The following PROSER2 variants were observed in gnomAD, a reference collection of about 807,000 sequenced individuals.
PROSER2 encodes proline and serine rich 2, also known as proline and serine-rich protein 2.
A neutral mutation model predicts 14.6 loss-of-function variants in PROSER2; 18 were observed. That is an observed-to-expected ratio of 1.23 (90% CI 0.85 to 1.83). PROSER2 has a LOEUF of 1.83. PROSER2 is among the 40% of genes most tolerant of loss of function. PROSER2 has a pLI of 0.00. For missense variants in PROSER2, 823 were observed against 629.8 expected (o/e 1.31, Z -3.28); for synonymous variants, 367 against 286.4 (o/e 1.28, Z -2.84).
Position 11,865,795 on chromosome 10 carries a change from G to A in PROSER2, c.139-736G>A, listed in dbSNP as rs973259551. 7.9e-5 allele frequency among the ~76,000 whole-genome samples: 12 copies of A among 152,172 alleles called. No individual in the cohort carries two copies. Among genetic ancestry groups the A allele is most frequent in the African/African-American group, 1.7e-4 (7 of 41,446 alleles). On this transcript the variant is annotated intron_variant, in intron 2 of 3. Coordinates refer to ENST00000277570, the MANE Select transcript of PROSER2 (RefSeq NM_153256.4). This position sits in a 1 kb window ranked among gnomAD's most constrained non-coding sequence, Gnocchi z 4.2. ...GTCACCTTTTTCGAGAGTAACTGGC[G>A]AGTTTTGTGCCGGGATGAGCTCATT...
In PROSER2 at chr10:11,870,351, A is replaced by AGGAGGCGCGCAG; in HGVS notation, c.1260_1271dup (p.Arg421_Ala424dup). 1 of 1,508,586 alleles carries AGGAGGCGCGCAG rather than the reference A, an allele frequency of 6.6e-7. No individual in the cohort carries two copies. The highest frequency in any genetic ancestry group is 1.5e-5 in the African/African-American group (1 of 68,860). The allele number at this position is 1,508,586 out of a possible 1,614,324, so 93.5% of individuals were successfully genotyped here. ...CAGTTCGCGGGCCGCGGCTCCTCGG[A>AGGAGGCGCGCAG]GGAGGCGCGCAGGGAGGCCCTGCGG... On this transcript the variant is annotated inframe_insertion, in exon 4 of 4. Coordinates refer to ENST00000277570, the MANE Select transcript of PROSER2 (RefSeq NM_153256.4).
At chr10:11,861,064 C>G (rs1266891838) in intron 2 of PROSER2, among the ~76,000 whole-genome samples, 1 of 152,190 alleles carries the variant, frequency 6.6e-6, no homozygotes, top group Non-Finnish European at 1.5e-5. Flanking sequence ...TGAGATCGTG[C>G]CACTGCACTC....
At position 11,865,319 on chromosome 10, in the gene PROSER2, GAAA is replaced by G. The variant is rs1161995683; in HGVS notation, c.139-1206_139-1204del. Among the ~76,000 whole-genome samples the G allele has an allele frequency of 6.6e-6, 1 of 151,656 alleles. No homozygotes were observed. The highest frequency in any genetic ancestry group is 2.4e-5 in the African/African-American group (1 of 41,358). On this transcript the variant is annotated intron_variant, in intron 2 of 3. Transcript: ENST00000277570. This position sits in a 1 kb window ranked among gnomAD's most constrained non-coding sequence, Gnocchi z 4.2. Reference sequence around the variant, plus strand: ...TCTAAGTCTTCTTTTGTCCTGTAAAGAAAAAAAATCATGCTGTTTATGGATTCA... The same window carrying G: ...TCTAAGTCTTCTTTTGTCCTGTAAAGAAAAATCATGCTGTTTATGGATTCA...
rs768637707 is a variant in PROSER2 at position 11,869,862 on chromosome 10, G to T, written c.764G>T (p.Ser255Ile). 1.3e-6 allele frequency: 2 copies of T among 1,594,066 alleles called. No homozygotes were observed. The highest frequency in any genetic ancestry group is 3.5e-5 in the Admixed American group (2 of 57,418). The change falls in exon 4 of 4, where the codon AGC becomes ATC. Residue 255 changes from serine (S) to isoleucine (I), a missense_variant. Ser to Ile is a moderately radical substitution (Grantham distance 142). Transcript: ENST00000277570. This position sits in a 1 kb window ranked among gnomAD's most constrained non-coding sequence, Gnocchi z 4.4. ...PAQPKAPRFP[S>I]NIIVTNGAAR... ...CAGCCCAAGGCACCCCGCTTCCCCA[G>T]CAACATCATCGTCACCAACGGCGCG...
intron 1 of PROSER2, among the ~76,000 whole-genome samples, chr10:11,841,366 A>G (rs1307478702): frequency 6.6e-6 from 1 of 152,078 alleles, no homozygotes; most frequent in Non-Finnish European, 1.5e-5. Context: ...TGTCAATTTT[A>G]TTAATATTTT....
In PROSER2 at chr10:11,866,415, GAC is replaced by G; in HGVS notation, c.139-112_139-111del. ...GCACTGTGTGGCAGGGTACTCTCGG[GAC>G]ACAGTGAGTTCCGCCCTGGGCTGTG... On this transcript the variant is annotated intron_variant, in intron 2 of 3. Coordinates refer to ENST00000277570, the MANE Select transcript of PROSER2 (RefSeq NM_153256.4). The surrounding 1 kb of genome is among the most constrained non-coding windows in gnomAD (Gnocchi z 6.0). The G allele has an allele frequency of 8.0e-7, 1 of 1,257,668 alleles. No homozygotes were observed. Among genetic ancestry groups the G allele is most frequent in the Non-Finnish European group, 1.1e-6 (1 of 892,058 alleles). 77.9% of individuals were successfully genotyped at this position (1,257,668 alleles called of 1,614,324 possible).
intron 2 of PROSER2, among the ~76,000 whole-genome samples, chr10:11,858,873 T>C (rs1022049840): frequency 6.6e-6 from 1 of 151,356 alleles, no homozygotes. Context: ...GCTGGGCGTG[T>C]TGGCAGGTGC....
At chr10:11,835,927 C>G (rs1186457656) in intron 1 of PROSER2, among the ~76,000 whole-genome samples, 1 of 152,082 alleles carries the variant, frequency 6.6e-6, no homozygotes, top group African/African-American at 2.4e-5. Flanking sequence ...GAGTTCCCAC[C>G]GTGAAACGCT....
rs1834347658 is a variant in PROSER2 at position 11,866,325 on chromosome 10, CTGT to C, written c.139-201_139-199del. On this transcript the variant is annotated intron_variant, in intron 2 of 3. Coordinates refer to ENST00000277570, the MANE Select transcript of PROSER2 (RefSeq NM_153256.4). This position sits in a 1 kb window ranked among gnomAD's most constrained non-coding sequence, Gnocchi z 6.0. ...GGCCCGTTATAACAGCTTTGAGGCT[CTGT>C]TGTTTGCTCTGCCTTTCGGAACACG... is the stretch of plus-strand genomic sequence containing the variant. Among the ~76,000 whole-genome samples, 2 of 152,188 alleles carry C rather than the reference CTGT, an allele frequency of 1.3e-5. No homozygotes were observed. Among genetic ancestry groups the C allele is most frequent in the Admixed American group, 1.3e-4 (2 of 15,290 alleles).
chr10:11,844,624 A>G (rs1833898206), intron 1 of PROSER2, among the ~76,000 whole-genome samples: 1 of 152,078 alleles, frequency 6.6e-6, no homozygotes, highest in Non-Finnish European at 1.5e-5. Flanking sequence ...GAGCTTCCTC[A>G]TTCTTTTTTA....
In PROSER2 at chr10:11,837,245, C is replaced by G. The variant is rs1326906232; in HGVS notation, c.-82+13775C>G. ...AAATCAAATGCTGAGGTCGCTGAGA[C>G]CTACTGTAAGAACAAATCATCTTCT... is the stretch of plus-strand genomic sequence containing the variant. On this transcript the variant is annotated intron_variant, in intron 1 of 3. Coordinates refer to ENST00000277570, the MANE Select transcript of PROSER2 (RefSeq NM_153256.4). The surrounding 1 kb of genome is among the most constrained non-coding windows in gnomAD (Gnocchi z 4.6). 6.6e-6 allele frequency among the ~76,000 whole-genome samples: 1 copy of G among 152,172 alleles called. No homozygotes were observed. Among genetic ancestry groups the G allele is most frequent in the Non-Finnish European group, 1.5e-5 (1 of 68,030 alleles).
At chr10:11,848,935 TC>T (rs1833969744) in intron 1 of PROSER2, among the ~76,000 whole-genome samples, 1 of 152,188 alleles carries the variant, frequency 6.6e-6, no homozygotes, top group Non-Finnish European at 1.5e-5. Flanking sequence ...ACGCCTGTAA[TC>T]CCAGCACTTT....
In PROSER2 at chr10:11,865,984, G is replaced by A. The variant is rs1184159484; in HGVS notation, c.139-547G>A. Reference sequence around the variant, plus strand: ...GGGCCTTCTCAGTCAGTTTCCACCTGTCCTGCTCTCCGGCTGCCCTGCTTT... The same window carrying A: ...GGGCCTTCTCAGTCAGTTTCCACCTATCCTGCTCTCCGGCTGCCCTGCTTT... On this transcript the variant is annotated intron_variant, in intron 2 of 3. Coordinates refer to ENST00000277570, the MANE Select transcript of PROSER2 (RefSeq NM_153256.4). This position sits in a 1 kb window ranked among gnomAD's most constrained non-coding sequence, Gnocchi z 4.2. Among the ~76,000 whole-genome samples the A allele has an allele frequency of 6.6e-6, 1 of 152,064 alleles. No homozygotes were observed. The highest frequency in any genetic ancestry group is 2.4e-5 in the African/African-American group (1 of 41,406).
rs1275128819 is a variant in PROSER2, at chr10:11,856,939, C to T, written c.138+4724C>T. Among the ~76,000 whole-genome samples, 2 of 152,224 alleles carry T rather than the reference C, an allele frequency of 1.3e-5. No individual in the cohort carries two copies. The highest frequency in any genetic ancestry group is 2.9e-5 in the Non-Finnish European group (2 of 68,050). Reference sequence around the variant, plus strand: ...GGAGGAGCCGCCCCATCAGCCATAACCCCGCCCTTTCATGCTGCCTTCTCA... The same window carrying T: ...GGAGGAGCCGCCCCATCAGCCATAATCCCGCCCTTTCATGCTGCCTTCTCA... On this transcript the variant is annotated intron_variant, in intron 2 of 3. Transcript: ENST00000277570. The surrounding 1 kb of genome is among the most constrained non-coding windows in gnomAD (Gnocchi z 5.3).
intron 1 of PROSER2, among the ~76,000 whole-genome samples, chr10:11,846,627 G>A (rs1249701471): frequency 2.0e-5 from 3 of 152,102 alleles, no homozygotes; most frequent in Admixed American, 1.3e-4. Context: ...CCTGCCTGTC[G>A]CTGGAAGCAG....
intron 1 of PROSER2, among the ~76,000 whole-genome samples, chr10:11,848,602 G>A (rs1833962122): frequency 6.6e-6 from 1 of 152,166 alleles, no homozygotes; most frequent in African/African-American, 2.4e-5. Context: ...AACTGTAAGT[G>A]GGTCCTGTCC....
chr10:11,835,738 A>C (rs1460832989), intron 1 of PROSER2, among the ~76,000 whole-genome samples: 25 of 152,226 alleles, frequency 1.6e-4, no homozygotes, highest in Admixed American at 1.6e-3. Flanking sequence ...GAGTAAAATC[A>C]AAGCAAAGTG....
At position 11,833,884 on chromosome 10, in the gene PROSER2, G is replaced by A. The variant is rs372713032; in HGVS notation, c.-82+10414G>A. ...GGCCAGTGATGAAGGAGTCACGAAG[G>A]CTTGACCATGTTCGGTAGAGTTTTT... On this transcript the variant is annotated intron_variant, in intron 1 of 3. Coordinates refer to ENST00000277570, the MANE Select transcript of PROSER2 (RefSeq NM_153256.4). 3.4e-4 allele frequency among the ~76,000 whole-genome samples: 52 copies of A among 151,974 alleles called. 2 individuals carry two copies. In the East Asian group the frequency reaches 5.2e-3, roughly 15 times the overall value.
At chr10:11,829,595 G>C (rs1833663534) in intron 1 of PROSER2, among the ~76,000 whole-genome samples, 1 of 151,446 alleles carries the variant, frequency 6.6e-6, no homozygotes, top group Non-Finnish European at 1.5e-5. Flanking sequence ...AAAAAAAAGA[G>C]TGTTGTGCTA....
Sources: allele counts gnomAD v4.1 joint callset (sites outside exome capture counted in the v4.1 genomes callset), GRCh38; gene constraint gnomAD v4.1.1; non-coding constraint Gnocchi (gnomAD v3.1); transcripts MANE v1.5; gene names NCBI Gene and HGNC (gene_info 2026-07-23, HGNC 2026-07-21).